Variants in ALDH4A1 observed in about 807,000 individuals in gnomAD.
The protein encoded by ALDH4A1 is delta-1-pyrroline-5-carboxylate dehydrogenase, mitochondrial.
A neutral mutation model predicts 70.5 loss-of-function variants in ALDH4A1; 46 were observed. That is an observed-to-expected ratio of 0.65 (90% CI 0.51 to 0.83). ALDH4A1 has a LOEUF of 0.83. ALDH4A1 is among the 40% of genes least tolerant of loss of function. The pLI is 0.00. For missense variants in ALDH4A1, 749 were observed against 766.5 expected (o/e 0.98, Z 0.27); for synonymous variants, 323 against 324.3 (o/e 1.00, Z 0.04).
intron 1 of ALDH4A1, chr1:18,900,876 G>A (rs747431965): frequency 1.6e-5 from 16 of 985,114 alleles, no homozygotes; most frequent in Admixed American, 6.2e-5. Flanking sequence ...AGTACTTACC[G>A]GCTCGGTGTT....
At chr1:18,887,213 C>T (rs1935237040) in intron 3 of ALDH4A1, among the ~76,000 whole-genome samples, 1 of 152,250 alleles carries the variant, frequency 6.6e-6, no homozygotes, top group South Asian at 2.1e-4. Context: ...TTGCAGACCT[C>T]GGGCCAAGTG....
chr1:18,886,687 G>T (rs926689398), intron 3 of ALDH4A1, among the ~76,000 whole-genome samples, 176 bp from the exon 4 acceptor site: 1 of 152,112 alleles, frequency 6.6e-6, no homozygotes. Flanking sequence ...TCCCTGTTAA[G>T]GGTGCTGGTG....
At chr1:18,901,689 C>T (rs1569812359) in intron 1 of ALDH4A1, among the ~76,000 whole-genome samples, 2 of 152,134 alleles carry the variant, frequency 1.3e-5, no homozygotes, top group East Asian at 3.9e-4. Flanking sequence ...TGACCTGCCT[C>T]ACAGGAGTGA....
intron 7 of ALDH4A1, among the ~76,000 whole-genome samples, chr1:18,882,914 G>A (rs751012393): frequency 7.2e-5 from 11 of 152,206 alleles, no homozygotes; most frequent in Admixed American, 5.9e-4. Flanking sequence ...TTCAGGGATT[G>A]CCAGGGTCTC....
chr1:18,900,845 A>G (rs918805616), intron 1 of ALDH4A1: 43 of 984,670 alleles, frequency 4.4e-5, no homozygotes, highest in African/African-American at 5.2e-5. Flanking sequence ...ATCGTTTCCC[A>G]TGATAATACA....
chr1:18,881,437 C>T (rs1934962436), intron 8 of ALDH4A1, among the ~76,000 whole-genome samples: 1 of 152,178 alleles, frequency 6.6e-6, no homozygotes, highest in Admixed American at 6.5e-5. Flanking sequence ...GTAGGGTGCA[C>T]TTCCAGTCTG....
chr1:18,885,000 G>A (rs1290894572), intron 5 of ALDH4A1, among the ~76,000 whole-genome samples: 1 of 152,166 alleles, frequency 6.6e-6, no homozygotes, highest in Admixed American at 6.5e-5. Context: ...AGAGCAGTGG[G>A]CGAGCTGGAC....
At chr1:18,892,589 G>A (rs1019467174) in intron 1 of ALDH4A1, among the ~76,000 whole-genome samples, 6 of 151,788 alleles carry the variant, frequency 4.0e-5, no homozygotes, top group African/African-American at 7.3e-5. Context: ...CTGCGTGGTA[G>A]AGGGAGAGGG....
At chr1:18,901,065 G>A (rs1436210605) in intron 1 of ALDH4A1, 2 of 213,240 alleles carry the variant, frequency 9.4e-6, no homozygotes, top group African/African-American at 2.4e-5. Context: ...CTCATCTCTA[G>A]GGTGTTTGGC....
At chr1:18,879,635 T>C (rs1934884641) in intron 8 of ALDH4A1, among the ~76,000 whole-genome samples, 1 of 152,088 alleles carries the variant, frequency 6.6e-6, no homozygotes, top group African/African-American at 2.4e-5. Flanking sequence ...TTACTTAACC[T>C]CTCTGAGCCT....
chr1:18,885,754 C>A (rs1935177326), intron 4 of ALDH4A1, 126 bp from the exon 5 acceptor site: 3 of 1,323,042 alleles, frequency 2.3e-6, no homozygotes, highest in East Asian at 4.9e-5. Flanking sequence ...TCTCCCTGGG[C>A]CCTCAGCCCC....
intron 4 of ALDH4A1, 148 bp downstream of exon 4, chr1:18,886,316 T>G (rs1259446034): frequency 1.2e-6 from 1 of 854,938 alleles, no homozygotes; most frequent in Non-Finnish European, 2.0e-6. Flanking sequence ...ACTCCCTCAG[T>G]GTCAGCCACC....
rs1557605793 is a variant in ALDH4A1 at position 18,871,430 on chromosome 1, TTAAG to T, written c.*1411_*1414del. 2.0e-5 allele frequency: 3 copies of T among 152,412 alleles called. No homozygotes were observed. Among genetic ancestry groups the T allele is most frequent in the East Asian group, 3.9e-4 (2 of 5,186 alleles). 9.4% of individuals were successfully genotyped at this position (152,412 alleles called of 1,614,324 possible). A position where few individuals can be genotyped will look rare whatever the true frequency, so the allele number is the denominator to read the frequency against. ...CCAGAAAGACCATCCACCACTGTGA[TTAAG>T]TAACAGGCATTTTATTGGGTGGCAT... On this transcript the variant is annotated 3_prime_UTR_variant, in exon 15 of 15. Transcript: ENST00000375341.
intron 8 of ALDH4A1, among the ~76,000 whole-genome samples, chr1:18,879,736 A>C (rs1356769574): frequency 1.3e-5 from 2 of 152,174 alleles, no homozygotes; most frequent in African/African-American, 4.8e-5. Flanking sequence ...GCATGTGCTT[A>C]AGACATGCTG....
rs1328741239 is a variant in ALDH4A1, at chr1:18,902,537, C to T, written c.-14G>A. The T allele has an allele frequency of 6.7e-7, 1 of 1,484,364 alleles. No homozygotes were observed. The highest frequency in any genetic ancestry group is 8.9e-7 in the Non-Finnish European group (1 of 1,117,630). The allele number at this position is 1,484,364 out of a possible 1,614,324, so 91.9% of individuals were successfully genotyped here. On this transcript the variant is annotated 5_prime_UTR_variant, in exon 1 of 15. Coordinates refer to ENST00000375341, the MANE Select transcript of ALDH4A1 (RefSeq NM_003748.4). ...CGGCAGCAGCATCTCGGGTTAGAAG[C>T]GGGGCTGTTCGCTGGATCGTCCGCC... is the stretch of plus-strand genomic sequence containing the variant.
At chr1:18,884,234 C>G (rs1011473509) in intron 5 of ALDH4A1, among the ~76,000 whole-genome samples, 7 of 152,212 alleles carry the variant, frequency 4.6e-5, no homozygotes, top group African/African-American at 1.7e-4. Flanking sequence ...GCAGAGCTGA[C>G]GCCCACCCCA....
intron 11 of ALDH4A1, among the ~76,000 whole-genome samples, chr1:18,876,891 G>A (rs1934716541): frequency 1.3e-5 from 2 of 152,150 alleles, no homozygotes; most frequent in Non-Finnish European, 2.9e-5. Flanking sequence ...GTGTTTATAT[G>A]GAAAGACCTA....
intron 14 of ALDH4A1, among the ~76,000 whole-genome samples, 198 bp downstream of exon 14, chr1:18,874,265 C>T (rs565752603): frequency 6.6e-6 from 1 of 152,352 alleles, no homozygotes; most frequent in Non-Finnish European, 1.5e-5. Context: ...GCCTCAGTTT[C>T]CTCCTCTGTA....
At position 18,874,494 on chromosome 1, in the gene ALDH4A1, G is replaced by A. The variant is rs61749348; in HGVS notation, c.1548C>T (p.Gly516=). 43,270 of 1,614,068 alleles carry A rather than the reference G, an allele frequency of 0.027. 1,434 individuals are homozygous for A. Among genetic ancestry groups the A allele is most frequent in the African/African-American group, 0.16 (12,137 of 75,008 alleles). The change falls in exon 14 of 15, where the codon GGC becomes GGT. Residue 516 remains glycine (G), a synonymous_variant. Transcript: ENST00000375341. Reference sequence around the variant, plus strand: ...CTCGGGCCCCCCCAAAGGGCTGCTGGCCCACTATCGAGCCAGTGGACTTGT... The same window carrying A: ...CTCGGGCCCCCCCAAAGGGCTGCTGACCCACTATCGAGCCAGTGGACTTGT... The part of the protein sequence containing the change: ...INDKSTGSIV[G]QQPFGGARAS...
Sources: gnomAD v4.1 joint callset for allele counts (sites outside exome capture counted in the v4.1 genomes callset) on GRCh38, gnomAD v4.1.1 for gene constraint, MANE v1.5 for transcripts, NCBI Gene and HGNC (gene_info 2026-07-23, HGNC 2026-07-21) for gene names.